The following PRKCI variants were observed in gnomAD, a reference collection of about 807,000 sequenced individuals.
The protein encoded by PRKCI is protein kinase C iota.
A neutral mutation model predicts 84.0 loss-of-function variants in PRKCI; 43 were observed. That is an observed-to-expected ratio of 0.51 (90% CI 0.40 to 0.66). PRKCI has a LOEUF of 0.66. PRKCI is among the 30% of genes least tolerant of loss of function. PRKCI has a pLI of 0.00. For synonymous variants in PRKCI, 216 were observed against 234.4 expected, an observed-to-expected ratio of 0.92 and a Z score of 0.72; for missense variants, 459 against 745.6, an observed-to-expected ratio of 0.62 and a Z score of 4.48.
At chr3:170,285,225 G>A (rs758940407) in intron 12 of PRKCI, among the ~76,000 whole-genome samples, 2 of 151,748 alleles carry the variant, frequency 1.3e-5, no homozygotes, top group African/African-American at 2.4e-5. Context: ...GACTACAGGC[G>A]CCTGCCACCA....
intron 8 of PRKCI, among the ~76,000 whole-genome samples, chr3:170,279,327 A>C (rs549383719): frequency 3.8e-4 from 58 of 152,352 alleles, no homozygotes; most frequent in Non-Finnish European, 7.2e-4. Context: ...CACTGTGCGC[A>C]GCCTAAATTA....
At chr3:170,255,936 CTGTTG>C (rs1385077432) in intron 2 of PRKCI, among the ~76,000 whole-genome samples, 1 of 151,976 alleles carries the variant, frequency 6.6e-6, no homozygotes, top group Non-Finnish European at 1.5e-5. Flanking sequence ...GTCCTTTATT[CTGTTG>C]TATCATGTTT....
intron 12 of PRKCI, among the ~76,000 whole-genome samples, chr3:170,287,853 G>GAGT (rs1734432901): frequency 6.8e-6 from 1 of 145,988 alleles, no homozygotes; most frequent in South Asian, 2.2e-4. Context: ...AGGTTGCAGT[G>GAGT]AGTGGAGATT....
intron 6 of PRKCI, among the ~76,000 whole-genome samples, chr3:170,271,090 C>G (rs1255209926): frequency 6.6e-6 from 1 of 152,140 alleles, no homozygotes; most frequent in East Asian, 1.9e-4. Context: ...TAAAAGTCCA[C>G]ATATATTCTA....
intron 4 of PRKCI, among the ~76,000 whole-genome samples, 181 bp from the exon 5 acceptor site, chr3:170,267,734 C>T (rs1733899420): frequency 1.3e-5 from 2 of 148,394 alleles, no homozygotes; most frequent in Non-Finnish European, 3.0e-5. Flanking sequence ...TATTTATACT[C>T]TGTGGTCTTT....
intron 2 of PRKCI, among the ~76,000 whole-genome samples, chr3:170,248,239 C>CAGGTT (rs918449063): frequency 1.3e-5 from 2 of 152,138 alleles, no homozygotes; most frequent in African/African-American, 2.4e-5. Context: ...TACATCCTGT[C>CAGGTT]AGGTTATCTC....
chr3:170,267,097 T>C (rs529754176), intron 4 of PRKCI, among the ~76,000 whole-genome samples: 1 of 152,088 alleles, frequency 6.6e-6, no homozygotes, highest in Non-Finnish European at 1.5e-5. Flanking sequence ...TAAATGGTAT[T>C]GTGGTTAGGT....
At chr3:170,230,226 C>T (rs539501333) in intron 1 of PRKCI, among the ~76,000 whole-genome samples, 4 of 148,394 alleles carry the variant, frequency 2.7e-5, no homozygotes, top group South Asian at 2.1e-4. Context: ...AACCCAGTGG[C>T]GTGATCTCGT....
chr3:170,270,355 C>T, intron 5 of PRKCI, 66 bp from the exon 6 acceptor site: 1 of 1,433,190 alleles, frequency 7.0e-7, no homozygotes, highest in Non-Finnish European at 9.4e-7. Flanking sequence ...ATTGAGTCAG[C>T]AAACTATTTG....
intron 8 of PRKCI, 26 bp downstream of exon 8, chr3:170,275,313 T>G: frequency 6.3e-7 from 1 of 1,579,384 alleles, no homozygotes; most frequent in Non-Finnish European, 8.6e-7. Context: ...TTATTGTACA[T>G]TATATCATTA....
At position 170,235,175 on chromosome 3, in the gene PRKCI, T is replaced by G. The variant is rs1732938154; in HGVS notation, c.102-55T>G. ...AAATTGTCAAGCATTCAGTAATATA[T>G]ACAGCATTATTATTTTTAATCATTT... is the stretch of plus-strand genomic sequence containing the variant. On this transcript the variant is annotated intron_variant, in intron 1 of 17. Transcript: ENST00000295797. 1.2e-5 allele frequency: 18 copies of G among 1,554,750 alleles called. No individual in the cohort carries two copies. In the South Asian group the frequency reaches 1.9e-4, roughly 17 times the overall value.
At chr3:170,279,321 G>C (rs1361812342) in intron 8 of PRKCI, among the ~76,000 whole-genome samples, 1 of 152,220 alleles carries the variant, frequency 6.6e-6, no homozygotes, top group Non-Finnish European at 1.5e-5. Flanking sequence ...ATGAGCCACT[G>C]TGCGCAGCCT....
chr3:170,270,575 C>CTTTT lies in PRKCI; in HGVS notation c.591+14_591+15insTTTT. 1.4e-6 allele frequency: 2 copies of CTTTT among 1,415,104 alleles called. No individual in the cohort carries two copies. Among genetic ancestry groups the CTTTT allele is most frequent in the Non-Finnish European group, 1.8e-6 (2 of 1,090,778 alleles). 87.7% of individuals were successfully genotyped at this position (1,415,104 alleles called of 1,614,324 possible). A position where few individuals can be genotyped will look rare whatever the true frequency, so the allele number is the denominator to read the frequency against. On this transcript the variant is annotated intron_variant, in intron 6 of 17. Transcript: ENST00000295797. ...TCTTTGCCACAGGTAAGATGTCTGTCCTTTTTTTTTTTTTTTTTTTTAAGA... is the reference window on the plus strand; with the variant it reads ...TCTTTGCCACAGGTAAGATGTCTGTCTTTTCTTTTTTTTTTTTTTTTTTTTAAGA...
At chr3:170,239,847 A>G (rs750504043) in intron 2 of PRKCI, among the ~76,000 whole-genome samples, 1 of 151,742 alleles carries the variant, frequency 6.6e-6, no homozygotes, top group African/African-American at 2.4e-5. Flanking sequence ...AAATAATACT[A>G]TGCTCAAAAA....
intron 12 of PRKCI, among the ~76,000 whole-genome samples, chr3:170,286,748 A>G (rs1196227061): frequency 1.3e-5 from 2 of 151,490 alleles, no homozygotes; most frequent in Non-Finnish European, 2.9e-5. Flanking sequence ...CTTTTATTGT[A>G]GTTTATGATC....
chr3:170,297,976 A>G (rs1008382713), intron 16 of PRKCI, among the ~76,000 whole-genome samples: 10 of 151,808 alleles, frequency 6.6e-5, no homozygotes, highest in African/African-American at 2.4e-4. Context: ...CCTGGGTTCA[A>G]GCAATTCTGC....
chr3:170,245,842 A>G (rs2108841737), intron 2 of PRKCI, among the ~76,000 whole-genome samples: 1 of 152,156 alleles, frequency 6.6e-6, no homozygotes, highest in South Asian at 2.1e-4. Context: ...CTACAGATGC[A>G]CACCATGACT....
intron 2 of PRKCI, 21 bp downstream of exon 2, chr3:170,235,372 T>C (rs1304488425): frequency 1.2e-6 from 2 of 1,611,534 alleles, no homozygotes; most frequent in African/African-American, 2.7e-5. Context: ...AAGACAGGGC[T>C]GCCTGTGTAA....
rs1359676707 is a variant in PRKCI at position 170,304,847 on chromosome 3, C to G, written c.*1720C>G. The G allele has an allele frequency of 6.6e-6, 1 of 151,972 alleles. No individual in the cohort carries two copies. The highest frequency in any genetic ancestry group is 1.5e-5 in the Non-Finnish European group (1 of 67,996). 9.4% of individuals were successfully genotyped at this position (151,972 alleles called of 1,614,324 possible). ...TTAGTAAAAATTTTAGGAAAGTTAT[C>G]TAGTTTAAATTTCAAATGTTTTAAA... On this transcript the variant is annotated 3_prime_UTR_variant, in exon 18 of 18. Transcript: ENST00000295797.
Sources: allele counts gnomAD v4.1 joint callset (sites outside exome capture counted in the v4.1 genomes callset), GRCh38; gene constraint gnomAD v4.1.1; transcripts MANE v1.5; gene names NCBI Gene and HGNC (gene_info 2026-07-23, HGNC 2026-07-21).